Variants in ANXA11 observed in about 807,000 individuals in gnomAD.
ANXA11 encodes annexin A11.
A neutral mutation model predicts 64.7 loss-of-function variants in ANXA11; 57 were observed. The observed-to-expected ratio is 0.88, with a 90% CI of 0.71 to 1.10. ANXA11 has a LOEUF of 1.10. ANXA11 is among the 50% of genes least tolerant of loss of function. The probability of loss-of-function intolerance (pLI) is 0.00; values close to 1 mark genes in which losing one functional copy is unlikely to be tolerated. For missense variants in ANXA11, 675 were observed against 670.7 expected, an observed-to-expected ratio of 1.01 and a Z score of -0.07; for synonymous variants, 260 against 265.2, an observed-to-expected ratio of 0.98 and a Z score of 0.19.
rs1840637224 is a variant in ANXA11 at position 80,205,493 on chromosome 10, G to C, written c.-208C>G. 1 of 152,074 alleles carries C rather than the reference G, an allele frequency of 6.6e-6. No homozygotes were observed. The highest frequency in any genetic ancestry group is 2.4e-5 in the African/African-American group (1 of 41,420). The allele number at this position is 152,074 out of a possible 1,614,324, so 9.4% of individuals were successfully genotyped here. A position where few individuals can be genotyped will look rare whatever the true frequency, so the allele number is the denominator to read the frequency against. ...GGCCCGCGGGGCACTCGGGGCACTG[G>C]GGAGCCGCGGGCGCAGCAGCCGTCA... On this transcript the variant is annotated 5_prime_UTR_variant, in exon 1 of 16. Transcript: ENST00000422982.
chr10:80,171,863 C>T (rs1357570948), intron 3 of ANXA11: 3 of 985,414 alleles, frequency 3.0e-6, no homozygotes, highest in Middle Eastern at 5.2e-4. Flanking sequence ...AGAGAGAACC[C>T]AGGCCAGTGC....
At chr10:80,170,683 A>C in intron 4 of ANXA11, 117 bp downstream of exon 4, 1 of 747,530 alleles carries the variant, frequency 1.3e-6, no homozygotes, top group Non-Finnish European at 2.0e-6. Flanking sequence ...TCAACACACT[A>C]CACACCACAG....
At chr10:80,187,609 T>C (rs1846597002) in intron 1 of ANXA11, among the ~76,000 whole-genome samples, 1 of 151,614 alleles carries the variant, frequency 6.6e-6, no homozygotes, top group Non-Finnish European at 1.5e-5. Flanking sequence ...AGGGAAACAG[T>C]GGGTTGTGTT....
rs993137351 is a variant in ANXA11, at chr10:80,157,098, G to A, written c.1458+543C>T. 16 of 976,872 alleles carry A rather than the reference G, an allele frequency of 1.6e-5. 1 individual carries two copies. Among genetic ancestry groups the A allele is most frequent in the Admixed American group, 6.2e-5 (1 of 16,252 alleles). 60.5% of individuals were successfully genotyped at this position (976,872 alleles called of 1,614,324 possible). On this transcript the variant is annotated intron_variant, in intron 15 of 15. Coordinates refer to ENST00000422982, the MANE Select transcript of ANXA11 (RefSeq NM_145868.2). ...TCAATACTCACAACATTCCCAGGAA[G>A]GAACGATTATTTTCTCATCTTAAAG...
chr10:80,181,469 A>G (rs1373455263), intron 1 of ANXA11: 1 of 152,124 alleles, frequency 6.6e-6, no homozygotes, highest in African/African-American at 2.4e-5. Flanking sequence ...TCTCAAAAAA[A>G]TAAAAAATAA....
At chr10:80,190,783 C>T (rs1250872369) in intron 1 of ANXA11, among the ~76,000 whole-genome samples, 1 of 139,550 alleles carries the variant, frequency 7.2e-6, no homozygotes, top group Non-Finnish European at 1.6e-5. Flanking sequence ...CCACGCCTGG[C>T]CAAAAAATTT....
intron 1 of ANXA11, among the ~76,000 whole-genome samples, chr10:80,192,349 A>C (rs1198099197): frequency 6.6e-6 from 1 of 152,238 alleles, no homozygotes; most frequent in Non-Finnish European, 1.5e-5. Context: ...AAAGGGTCAC[A>C]GGACATCTGA....
At chr10:80,171,012 C>A in intron 3 of ANXA11, 97 bp from the exon 4 acceptor site, 1 of 1,522,448 alleles carries the variant, frequency 6.6e-7, no homozygotes, top group Non-Finnish European at 8.8e-7. Context: ...AAGGGAGGCC[C>A]AGTAAAGCCT....
chr10:80,183,141 A>C (rs183097085), intron 1 of ANXA11, among the ~76,000 whole-genome samples: 82 of 152,230 alleles, frequency 5.4e-4, no homozygotes, highest in Non-Finnish European at 8.8e-4. Flanking sequence ...GTGGCTAGGC[A>C]CTCGTCCCAG....
intron 1 of ANXA11, among the ~76,000 whole-genome samples, chr10:80,186,777 T>C (rs1457474041): frequency 1.3e-5 from 2 of 152,152 alleles, no homozygotes; most frequent in Non-Finnish European, 2.9e-5. Flanking sequence ...TCACTTTCCA[T>C]ACAACGCAGA....
At chr10:80,183,427 T>C in intron 1 of ANXA11, among the ~76,000 whole-genome samples, 1 of 152,210 alleles carries the variant, frequency 6.6e-6, no homozygotes, top group Non-Finnish European at 1.5e-5. Context: ...GGGGCCTCTT[T>C]CAGCTTTCAC....
At chr10:80,157,345 C>G (rs1424843070) in intron 15 of ANXA11, 15 of 985,276 alleles carry the variant, frequency 1.5e-5, no homozygotes, top group Non-Finnish European at 1.7e-5. Flanking sequence ...ACTGACAGAT[C>G]AAGGAATCAC....
intron 3 of ANXA11, chr10:80,171,224 T>C (rs1845962841): frequency 8.1e-7 from 1 of 1,237,258 alleles, no homozygotes; most frequent in Non-Finnish European, 1.0e-6. Context: ...AAGTTCACCA[T>C]CATGGAGCAG....
chr10:80,184,812 T>C (rs1203514270), intron 1 of ANXA11, among the ~76,000 whole-genome samples: 7 of 152,158 alleles, frequency 4.6e-5, no homozygotes, highest in African/African-American at 1.7e-4. Context: ...CTGCCAACCA[T>C]CTGCAAATGT....
In ANXA11 at chr10:80,172,855, A is replaced by G. The variant is rs1000705095; in HGVS notation, c.7T>C (p.Tyr3His). The G allele has an allele frequency of 6.2e-7, 1 of 1,613,898 alleles. No individual in the cohort carries two copies. Among genetic ancestry groups the G allele is most frequent in the Non-Finnish European group, 8.5e-7 (1 of 1,179,894 alleles). Residue 3 changes from tyrosine to histidine, a missense_variant, in exon 3 of 16, where the codon TAC becomes CAC. Physicochemically the swap from Tyr to His is moderately conservative, Grantham distance 83. Transcript: ENST00000422982. ...CCTGGGGGCGGGGGATAGCCAGGGT[A>G]GCTCATGGTTAGATCTGGAAGAGAA... MS[Y>H]PGYPPPPGGY...
rs1845150197 is a variant in ANXA11, at chr10:80,151,119, T to C, written c.*4734A>G. 6.6e-6 allele frequency: 1 copy of C among 152,174 alleles called. No individual in the cohort carries two copies. The allele number at this position is 152,174 out of a possible 1,614,324, so 9.4% of individuals were successfully genotyped here. Reference sequence around the variant, plus strand: ...AGTCAAAAAGACAGGAAGTGACATATCCAGGGTCACACAACAAATCAGGGG... The same window carrying C: ...AGTCAAAAAGACAGGAAGTGACATACCCAGGGTCACACAACAAATCAGGGG... On this transcript the variant is annotated 3_prime_UTR_variant, in exon 16 of 16. Coordinates refer to ENST00000422982, the MANE Select transcript of ANXA11 (RefSeq NM_145868.2).
intron 1 of ANXA11, among the ~76,000 whole-genome samples, chr10:80,179,451 T>C (rs1846281330): frequency 6.6e-6 from 1 of 152,226 alleles, no homozygotes; most frequent in Non-Finnish European, 1.5e-5. Context: ...TTCTTTATAG[T>C]CGTGTGAGAA....
chr10:80,163,256 G>T, intron 11 of ANXA11, 93 bp downstream of exon 11: 1 of 1,433,694 alleles, frequency 7.0e-7, no homozygotes, highest in Non-Finnish European at 9.7e-7. Flanking sequence ...CTTATCTATT[G>T]TTCTTTCCAC....
intron 1 of ANXA11, among the ~76,000 whole-genome samples, chr10:80,178,794 C>T (rs1846260229): frequency 6.6e-6 from 1 of 152,216 alleles, no homozygotes. Context: ...TGATAATCAC[C>T]TGGAGAGCTC....
Sources: gnomAD v4.1 joint callset for allele counts (sites outside exome capture counted in the v4.1 genomes callset) on GRCh38, gnomAD v4.1.1 for gene constraint, MANE v1.5 for transcripts, NCBI Gene and HGNC (gene_info 2026-07-23, HGNC 2026-07-21) for gene names.